XRCC4: variants seen among roughly 807,000 people sequenced by gnomAD.
XRCC4 encodes X-ray repair cross complementing 4.
A neutral mutation model predicts 39.1 loss-of-function variants in XRCC4; 28 were observed. That is an observed-to-expected ratio of 0.72 (90% confidence interval 0.53 to 0.98). The LOEUF (loss-of-function observed/expected upper bound fraction) is 0.98. Among genes scored for constraint, XRCC4 ranks in the 50% least tolerant of loss-of-function variants. The pLI, the probability that XRCC4 is intolerant of heterozygous loss-of-function variation, is 0.00. For synonymous variants in XRCC4, 123 were observed against 126.4 expected, an observed-to-expected ratio of 0.97 and a Z score of 0.18; for missense variants, 350 against 376.4, an observed-to-expected ratio of 0.93 and a Z score of 0.58.
chr5:83,111,307 A>G, intron 3 of XRCC4, 104 bp downstream of exon 3: 1 of 897,916 alleles, frequency 1.1e-6, no homozygotes, highest in Non-Finnish European at 1.5e-6. Context: ...AGAACACCTC[A>G]GAAGCAAAAG....
chr5:83,166,121 A>G (rs1749462115), intron 3 of XRCC4, among the ~76,000 whole-genome samples: 2 of 151,890 alleles, frequency 1.3e-5, no homozygotes, highest in Non-Finnish European at 2.9e-5. Context: ...TCCTGACCTC[A>G]AGTGATCCAC....
At chr5:83,160,067 T>C (rs1323230428) in intron 3 of XRCC4, among the ~76,000 whole-genome samples, 1 of 152,308 alleles carries the variant, frequency 6.6e-6, no homozygotes, top group Non-Finnish European at 1.5e-5. Context: ...TTTTTCAATA[T>C]GCCGTGAGTT....
intron 7 of XRCC4, among the ~76,000 whole-genome samples, chr5:83,261,331 C>T (rs1415581499): frequency 2.0e-5 from 3 of 152,090 alleles, no homozygotes; most frequent in South Asian, 2.1e-4. Context: ...GACAGCTTGT[C>T]ATCAAAAACA....
intron 1 of XRCC4, among the ~76,000 whole-genome samples, chr5:83,094,361 CTT>C (rs1319190020): frequency 1.6e-5 from 2 of 126,742 alleles, no homozygotes; most frequent in African/African-American, 6.2e-5. Context: ...TCTTCCCCTC[CTT>C]TCCCCTCCCC....
chr5:83,135,262 C>G (rs1413179663), intron 3 of XRCC4, among the ~76,000 whole-genome samples: 1 of 152,144 alleles, frequency 6.6e-6, no homozygotes, highest in Non-Finnish European at 1.5e-5. Context: ...TACCTGGTAC[C>G]TCCATTGGAA....
At chr5:83,358,750 G>A (rs1455310563), downstream of XRCC4, among the ~76,000 whole-genome samples, 1 of 152,110 alleles carries the variant, frequency 6.6e-6, no homozygotes, top group Non-Finnish European at 1.5e-5. Flanking sequence ...ATTAATATAG[G>A]TGGATTAAAC....
At chr5:83,148,016 G>A (rs567596860) in intron 3 of XRCC4, among the ~76,000 whole-genome samples, 3 of 152,024 alleles carry the variant, frequency 2.0e-5, no homozygotes, top group East Asian at 1.9e-4. Context: ...TCGAACTCCC[G>A]GTCTCAGGTG....
At chr5:83,198,553 G>A (rs1004874102) in intron 4 of XRCC4, among the ~76,000 whole-genome samples, 10 of 152,218 alleles carry the variant, frequency 6.6e-5, no homozygotes, top group African/African-American at 2.4e-4. Context: ...TGTTAATAGT[G>A]TATATCTGGA....
At chr5:83,310,965 G>A (rs1755690505) in intron 7 of XRCC4, 2 of 408,964 alleles carry the variant, frequency 4.9e-6, no homozygotes, top group Admixed American at 2.8e-5. Context: ...AGCCTCCGGA[G>A]GGAGTGTAGC....
chr5:83,308,924 G>C (rs1185593831), intron 7 of XRCC4, among the ~76,000 whole-genome samples: 1 of 151,774 alleles, frequency 6.6e-6, no homozygotes, highest in Admixed American at 6.6e-5. Context: ...CATGACATGA[G>C]AACCATATTT....
intron 6 of XRCC4, among the ~76,000 whole-genome samples, chr5:83,249,350 G>A (rs980825879): frequency 2.0e-5 from 3 of 152,084 alleles, no homozygotes; most frequent in Admixed American, 1.3e-4. Flanking sequence ...TTTAAAGCTA[G>A]TTAGGACATG....
At chr5:83,306,390 A>G (rs1205861409) in intron 7 of XRCC4, among the ~76,000 whole-genome samples, 1 of 152,212 alleles carries the variant, frequency 6.6e-6, no homozygotes, top group South Asian at 2.1e-4. Context: ...ACATTTCAGT[A>G]TATAAAATCA....
At chr5:83,107,137 C>A (rs1312109165) in intron 2 of XRCC4, among the ~76,000 whole-genome samples, 3 of 151,916 alleles carry the variant, frequency 2.0e-5, no homozygotes, top group Non-Finnish European at 4.4e-5. Flanking sequence ...ATTTTATTTT[C>A]AAAAATATCT....
At chr5:83,225,333 G>T (rs975867429) in intron 6 of XRCC4, among the ~76,000 whole-genome samples, 1 of 152,036 alleles carries the variant, frequency 6.6e-6, no homozygotes, top group Non-Finnish European at 1.5e-5. Context: ...GCGGCTGGGT[G>T]TGGGCATTTA....
Position 83,236,477 on chromosome 5 carries a change from GTC to G in XRCC4, c.746-22049_746-22048del, listed in dbSNP as rs369596956. 3.7e-4 allele frequency among the ~76,000 whole-genome samples: 56 copies of G among 151,920 alleles called. No individual in the cohort carries two copies. The East Asian group carries it at 0.011, about 29-fold the overall frequency. ...AAGAACATACATGGGGAAAAGAACA[GTC>G]TCTTTGGTGCTGGGAAAATTGGATA... is the stretch of plus-strand genomic sequence containing the variant. On this transcript the variant is annotated intron_variant, in intron 6 of 7. Transcript: ENST00000396027.
At chr5:83,161,629 T>C (rs10076000) in intron 3 of XRCC4, among the ~76,000 whole-genome samples, 73,689 of 152,038 alleles carry the variant, frequency 0.48, 18,836 homozygotes, top group African/African-American at 0.63. Flanking sequence ...TGTTTGTAGA[T>C]GTAACAGAAT....
Position 83,258,645 on chromosome 5 carries a change from T to A in XRCC4, c.861T>A (p.Ala287=), listed in dbSNP as rs1433854481. Residue 287 remains alanine (A), a synonymous_variant, in exon 7 of 8, where the codon GCT becomes GCA. Coordinates refer to ENST00000396027, the MANE Select transcript of XRCC4 (RefSeq NM_003401.5). ...ATCTTGGGACAGAACCTAAAATGGCTCCTCAGGAGAATCAGCTTCAAGAAA... is the reference window on the plus strand; with the variant it reads ...ATCTTGGGACAGAACCTAAAATGGCACCTCAGGAGAATCAGCTTCAAGAAA... The part of the protein sequence containing the change: ...QRNLGTEPKM[A]PQENQLQEKE... 6.2e-7 allele frequency: 1 copy of A among 1,611,266 alleles called. No individual in the cohort carries two copies. Among genetic ancestry groups the A allele is most frequent in the African/African-American group, 1.3e-5 (1 of 74,742 alleles).
intron 3 of XRCC4, among the ~76,000 whole-genome samples, chr5:83,134,902 C>T (rs751546121): frequency 1.1e-4 from 17 of 152,082 alleles, no homozygotes; most frequent in East Asian, 5.8e-4. Flanking sequence ...ACACTGACCG[C>T]GAAGGTCTGC....
chr5:83,361,715 T>C, the XRCC4 span, among the ~76,000 whole-genome samples: 1 of 151,812 alleles, frequency 6.6e-6, no homozygotes, highest in Non-Finnish European at 1.5e-5. Context: ...CTCTGTCTCC[T>C]GGTTCAAGAG....
Sources: allele counts gnomAD v4.1 joint callset (sites outside exome capture counted in the v4.1 genomes callset), GRCh38; gene constraint gnomAD v4.1.1; transcripts MANE v1.5; gene names NCBI Gene and HGNC (gene_info 2026-07-23, HGNC 2026-07-21).